NUMB: variants seen among roughly 807,000 people sequenced by gnomAD.
NUMB encodes NUMB endocytic adaptor protein, also known as protein numb homolog.
In NUMB, 29 loss-of-function variants were observed where a neutral mutation model predicts 59.7. The ratio of observed to expected loss-of-function variants is 0.49; its 90% CI spans 0.36 to 0.66. The LOEUF (loss-of-function observed/expected upper bound fraction) is 0.66. NUMB is among the 30% of genes least tolerant of loss of function. The pLI is 0.00. For synonymous variants in NUMB, 288 were observed against 288.2 expected, an observed-to-expected ratio of 1.00 and a Z score of 0.01; for missense variants, 723 against 822.0, an observed-to-expected ratio of 0.88 and a Z score of 1.47.
intron 3 of NUMB, among the ~76,000 whole-genome samples, chr14:73,364,731 C>T (rs1370526273): frequency 6.6e-6 from 1 of 151,880 alleles, no homozygotes; most frequent in East Asian, 1.9e-4. Flanking sequence ...GGGCTTAAAG[C>T]AATCCTTCCA....
chr14:73,409,792 C>T (rs1217198023), intron 2 of NUMB, 145 bp downstream of exon 2: 1 of 152,208 alleles, frequency 6.6e-6, no homozygotes, highest in Non-Finnish European at 1.5e-5. Context: ...TTTCACCCTA[C>T]CCACCTAAGA....
chr14:73,319,916 G>T (rs1033269320), intron 5 of NUMB, among the ~76,000 whole-genome samples: 38 of 152,130 alleles, frequency 2.5e-4, no homozygotes, highest in Admixed American at 2.0e-4. Flanking sequence ...TGGATCACGA[G>T]GTCATGAATT....
rs937072542 is a variant in NUMB at position 73,277,399 on chromosome 14, CT to C, written c.1241-107del. 174 of 881,702 alleles carry C rather than the reference CT, an allele frequency of 2.0e-4. 1 individual carries two copies. Among genetic ancestry groups the C allele is most frequent in the Middle Eastern group, 1.9e-3 (6 of 3,086 alleles). 54.6% of individuals were successfully genotyped at this position (881,702 alleles called of 1,614,324 possible). On this transcript the variant is annotated intron_variant, in intron 12 of 12. Transcript: ENST00000555238. Reference sequence around the variant, plus strand: ...CCTAACATGTACAACATGTCCCCCCCTAATGGGACATTTTGTGGTTTTGATA... The same window carrying C: ...CCTAACATGTACAACATGTCCCCCCCAATGGGACATTTTGTGGTTTTGATA...
chr14:73,449,094 C>T (rs1033417790), intron 1 of NUMB, among the ~76,000 whole-genome samples: 1 of 152,086 alleles, frequency 6.6e-6, no homozygotes, highest in African/African-American at 2.4e-5. Flanking sequence ...ACATTTATAT[C>T]ATATTAGGTT....
intron 2 of NUMB, among the ~76,000 whole-genome samples, chr14:73,406,088 TTTTG>T (rs1460965195): frequency 5.0e-5 from 3 of 59,838 alleles, no homozygotes; most frequent in African/African-American, 1.1e-4. Context: ...ATTAACATAT[TTTTG>T]TTTTTTTTTT....
intron 7 of NUMB, among the ~76,000 whole-genome samples, chr14:73,295,051 C>T (rs1337917079): frequency 1.8e-5 from 2 of 109,362 alleles, no homozygotes; most frequent in African/African-American, 7.4e-5. Context: ...CAGTATAAGG[C>T]ACTGTCTCAA....
At chr14:73,323,829 C>T (rs939456529) in intron 4 of NUMB, among the ~76,000 whole-genome samples, 1 of 152,072 alleles carries the variant, frequency 6.6e-6, no homozygotes, top group African/African-American at 2.4e-5. Context: ...CTATTTCAGG[C>T]TGAGAGAAAT....
chr14:73,386,867 ATTTTTTTTTTTTTTTT>A (rs71112745), intron 2 of NUMB, among the ~76,000 whole-genome samples: 7 of 79,850 alleles, frequency 8.8e-5, no homozygotes, highest in Admixed American at 3.6e-4. Flanking sequence ...CAGGTGTCTT[ATTTTTTTTTTTTTTTT>A]TTTTTTTTTT....
intron 2 of NUMB, among the ~76,000 whole-genome samples, chr14:73,387,726 C>A (rs1482836754): frequency 2.9e-5 from 4 of 136,422 alleles, no homozygotes; most frequent in Admixed American, 1.5e-4. Context: ...GAGCAATACC[C>A]AATCTCAAAA....
chr14:73,314,204 G>A (rs573945950), intron 6 of NUMB, among the ~76,000 whole-genome samples: 1 of 152,216 alleles, frequency 6.6e-6, no homozygotes, highest in Admixed American at 6.5e-5. Flanking sequence ...TAAATAATAT[G>A]AAAATAAAGT....
chr14:73,379,113 T>C (rs1566769772), intron 2 of NUMB, among the ~76,000 whole-genome samples: 1 of 152,194 alleles, frequency 6.6e-6, no homozygotes, highest in African/African-American at 2.4e-5. Flanking sequence ...AATGGAACCA[T>C]ATACATTTGC....
intron 1 of NUMB, among the ~76,000 whole-genome samples, chr14:73,427,625 G>C (rs1340211333): frequency 6.6e-6 from 1 of 152,092 alleles, no homozygotes; most frequent in African/African-American, 2.4e-5. Flanking sequence ...GTACAAGAAA[G>C]AGAAAACACA....
intron 3 of NUMB, among the ~76,000 whole-genome samples, chr14:73,358,418 A>G (rs1292884036): frequency 2.6e-5 from 4 of 152,130 alleles, no homozygotes; most frequent in African/African-American, 9.7e-5. Flanking sequence ...CCCCATTCAC[A>G]TGCTAACCTC....
At chr14:73,398,370 G>A (rs1896235320) in intron 2 of NUMB, among the ~76,000 whole-genome samples, 1 of 150,070 alleles carries the variant, frequency 6.7e-6, no homozygotes, top group Admixed American at 6.7e-5. Flanking sequence ...CTACATATTT[G>A]TATATGAGAG....
At position 73,457,176 on chromosome 14, in the gene NUMB, T is replaced by C. The variant is rs977903647; in HGVS notation, c.-233+1317A>G. On this transcript the variant is annotated intron_variant, in intron 1 of 12. Coordinates refer to ENST00000555238, the MANE Select transcript of NUMB (RefSeq NM_001005743.2). The stretch of plus-strand genomic sequence containing the variant: ...AAAACTTCTTTTCACTTTAGCCGAG[T>C]ATGCCTACCCTCTTTCTGATAAGTA... Among the ~76,000 whole-genome samples the C allele has an allele frequency of 1.1e-4, 17 of 152,256 alleles. 2 individuals are homozygous for C. The South Asian group carries it at 2.5e-3, about 22-fold the overall frequency.
At chr14:73,304,610 A>C (rs1890321593) in intron 6 of NUMB, among the ~76,000 whole-genome samples, 1 of 152,114 alleles carries the variant, frequency 6.6e-6, no homozygotes, top group South Asian at 2.1e-4. Flanking sequence ...GCCCAGCTGA[A>C]ACCACTTTTT....
At chr14:73,447,885 C>A (rs1020311226) in intron 1 of NUMB, among the ~76,000 whole-genome samples, 1 of 151,380 alleles carries the variant, frequency 6.6e-6, no homozygotes, top group Non-Finnish European at 1.5e-5. Context: ...CTACCCCCAA[C>A]CCTCGGGTTC....
chr14:73,280,463 T>C (rs1888547970), intron 11 of NUMB, among the ~76,000 whole-genome samples: 1 of 151,858 alleles, frequency 6.6e-6, no homozygotes, highest in South Asian at 2.1e-4. Context: ...TCCCCCTCTA[T>C]GATGTTTACA....
Position 73,323,179 on chromosome 14 carries a change from T to G in NUMB, c.152A>C (p.Glu51Ala), listed in dbSNP as rs745820137. 1 of 1,613,560 alleles carries G rather than the reference T, an allele frequency of 6.2e-7. No homozygotes were observed. Among genetic ancestry groups the G allele is most frequent in the Admixed American group, 1.7e-5 (1 of 59,990 alleles). ...TTCACAGATGTGCATTCCTCTTGAT[T>G]CATCAACTTCTACATGGCCAAGGTA... ...VKYLGHVEVDESRGMHICEDA... is the reference protein window; with the variant it reads ...VKYLGHVEVDASRGMHICEDA... The change falls in exon 5 of 13, where the codon GAA becomes GCA. Residue 51 changes from glutamate (E) to alanine (A), a missense_variant. By Grantham distance (107) the Glu-to-Ala change is moderately radical (BLOSUM62 -1). This residue lies in a region of NUMB where 317 missense variants were observed against 436.6 expected (regional missense o/e 0.73). Transcript: ENST00000555238.
Sources: allele counts gnomAD v4.1 joint callset (sites outside exome capture counted in the v4.1 genomes callset), GRCh38; gene constraint gnomAD v4.1.1; regional missense constraint gnomAD v4.1.1; transcripts MANE v1.5; gene names NCBI Gene and HGNC (gene_info 2026-07-23, HGNC 2026-07-21).